Variants in CATSPERT observed in about 807,000 individuals in gnomAD.
The protein encoded by CATSPERT is cation channel sperm-associated targeting subunit tau.
the CATSPERT span, among the ~76,000 whole-genome samples, chr2:201,531,114 C>G: frequency 6.6e-6 from 1 of 151,854 alleles, no homozygotes; most frequent in Non-Finnish European, 1.5e-5. Flanking sequence ...GCGCCCGCCA[C>G]CACGCCCAGC....
At chr2:201,598,660 C>T in the CATSPERT span, among the ~76,000 whole-genome samples, 1 of 152,044 alleles carries the variant, frequency 6.6e-6, no homozygotes, top group Non-Finnish European at 1.5e-5. Flanking sequence ...TGGCTCACTG[C>T]AAACTCTGTC....
At chr2:201,516,019 G>C in the CATSPERT span, among the ~76,000 whole-genome samples, 1 of 152,198 alleles carries the variant, frequency 6.6e-6, no homozygotes, top group African/African-American at 2.4e-5. Context: ...TTGTCATTGT[G>C]TAAGCATCAT....
At chr2:201,562,929 A>C in the CATSPERT span, among the ~76,000 whole-genome samples, 8 of 149,188 alleles carry the variant, frequency 5.4e-5, no homozygotes, top group South Asian at 2.2e-4. Context: ...CTACACAGAC[A>C]CCGCAACCAT....
chr2:201,494,883 AG>A, the CATSPERT span: 1 of 839,670 alleles, frequency 1.2e-6, no homozygotes, highest in Non-Finnish European at 1.6e-6. Flanking sequence ...CCCTCCACAA[AG>A]GGAGAAAATC....
At chr2:201,489,128 C>T in the CATSPERT span, among the ~76,000 whole-genome samples, 3 of 152,164 alleles carry the variant, frequency 2.0e-5, no homozygotes, top group Non-Finnish European at 1.5e-5. Flanking sequence ...TTGTTATCAT[C>T]TGAAAAATGC....
chr2:201,536,374 A>T, the CATSPERT span: 2 of 1,518,512 alleles, frequency 1.3e-6, no homozygotes, highest in South Asian at 2.6e-5. Flanking sequence ...TGACTGGAAA[A>T]TTTTACAAAT....
the CATSPERT span, chr2:201,575,205 T>G: frequency 9.9e-6 from 12 of 1,210,150 alleles, no homozygotes; most frequent in Middle Eastern, 2.0e-4. Context: ...ACAAATAATA[T>G]CAGAGTAAAG....
At chr2:201,507,074 G>C in the CATSPERT span, among the ~76,000 whole-genome samples, 7 of 152,216 alleles carry the variant, frequency 4.6e-5, no homozygotes, top group Non-Finnish European at 7.4e-5. Flanking sequence ...AATATTAGAA[G>C]TCAGGAAACA....
the CATSPERT span, chr2:201,574,296 T>G: frequency 3.2e-6 from 5 of 1,584,586 alleles, no homozygotes; most frequent in East Asian, 4.6e-5. Context: ...GTGATAAATT[T>G]TATTGTTTGA....
At chr2:201,515,202 GTTTTTTTTTTTTTTTTTTTTTTTTTT>G in the CATSPERT span, among the ~76,000 whole-genome samples, 15 of 24,650 alleles carry the variant, frequency 6.1e-4, 1 homozygote, top group African/African-American at 1.2e-3. Flanking sequence ...TCTGCCCATA[GTTTTTTTTTTTTTTTTTTTTTTTTTT>G]TTTTTTTTTT....
At chr2:201,514,436 T>C in the CATSPERT span, among the ~76,000 whole-genome samples, 1 of 152,212 alleles carries the variant, frequency 6.6e-6, no homozygotes, top group Non-Finnish European at 1.5e-5. Flanking sequence ...AAAAAACATA[T>C]GATCATATCA....
the CATSPERT span, chr2:201,537,302 C>T: frequency 1.5e-6 from 1 of 655,478 alleles, no homozygotes; most frequent in Non-Finnish European, 2.5e-6. Flanking sequence ...CAGATATTGC[C>T]ATAATAGAAA....
chr2:201,582,369 A>G, the CATSPERT span: 3 of 742,632 alleles, frequency 4.0e-6, no homozygotes, highest in African/African-American at 5.6e-5. Context: ...TTATTTGCAT[A>G]CCTAGTGATA....
chr2:201,538,301 T>C, the CATSPERT span, among the ~76,000 whole-genome samples: 1 of 152,112 alleles, frequency 6.6e-6, no homozygotes, highest in Admixed American at 6.6e-5. Flanking sequence ...CTTAGTATAA[T>C]GTCCTCAAGG....
the CATSPERT span, among the ~76,000 whole-genome samples, chr2:201,488,367 A>T: frequency 6.6e-6 from 1 of 152,208 alleles, no homozygotes; most frequent in African/African-American, 2.4e-5. Flanking sequence ...CCAAAATTTG[A>T]TCTTTCATCC....
At chr2:201,563,983 T>C in the CATSPERT span, among the ~76,000 whole-genome samples, 1 of 152,076 alleles carries the variant, frequency 6.6e-6, no homozygotes, top group African/African-American at 2.4e-5. Context: ...GAGCAGAGCT[T>C]TGAGATAGAA....
At chr2:201,575,295 A>C in the CATSPERT span, 1 of 1,592,696 alleles carries the variant, frequency 6.3e-7, no homozygotes, top group Non-Finnish European at 8.5e-7. Context: ...GTTTCCATGC[A>C]ACACTTGGAC....
chr2:201,557,899 TA>T, the CATSPERT span: 1 of 152,176 alleles, frequency 6.6e-6, no homozygotes, highest in South Asian at 2.1e-4. Context: ...CCATCATTCA[TA>T]ACCTTAATGA....
At chr2:201,608,816 CAA>C in the CATSPERT span, among the ~76,000 whole-genome samples, 12 of 70,770 alleles carry the variant, frequency 1.7e-4, no homozygotes, top group African/African-American at 3.6e-4. Context: ...GATCCTGTCT[CAA>C]AAAAAAAAAA....
Sources: gnomAD v4.1 joint callset for allele counts (sites outside exome capture counted in the v4.1 genomes callset) on GRCh38, gnomAD v4.1.1 for gene constraint, MANE v1.5 for transcripts, NCBI Gene and HGNC (gene_info 2026-07-23, HGNC 2026-07-21) for gene names.